The following NCR2 variants were observed in gnomAD, a reference collection of about 807,000 sequenced individuals.
NCR2 encodes the protein natural cytotoxicity triggering receptor 2.
Under a neutral mutation model 30.7 loss-of-function variants are expected in NCR2, and 35 were observed. The observed-to-expected ratio is 1.14, with a 90% confidence interval of 0.87 to 1.51. The LOEUF is 1.51. NCR2 is among the 40% of genes most tolerant of loss of function. NCR2 has a pLI of 0.00. For synonymous variants in NCR2, 146 were observed against 134.8 expected (o/e 1.08, Z -0.58); for missense variants, 316 against 328.9 (o/e 0.96, Z 0.30).
chr6:41,337,640 A>T (rs1276000099), intron 2 of NCR2, among the ~76,000 whole-genome samples: 1 of 152,232 alleles, frequency 6.6e-6, no homozygotes, highest in South Asian at 2.1e-4. Flanking sequence ...TTAAAATAAT[A>T]CTCACAGTAG....
chr6:41,342,256 A>T, intron 4 of NCR2, 107 bp downstream of exon 4: 1 of 1,453,004 alleles, frequency 6.9e-7, no homozygotes, highest in South Asian at 1.3e-5. Flanking sequence ...TGGAAATTAT[A>T]ATCGGCAGAG....
intron 4 of NCR2, among the ~76,000 whole-genome samples, chr6:41,347,525 C>T (rs979489197): frequency 6.6e-6 from 1 of 152,230 alleles, no homozygotes; most frequent in Non-Finnish European, 1.5e-5. Context: ...GCAGCCAATG[C>T]TGAAATCTCC....
At chr6:41,346,083 C>T (rs1769291844) in intron 4 of NCR2, among the ~76,000 whole-genome samples, 1 of 152,058 alleles carries the variant, frequency 6.6e-6, no homozygotes, top group Non-Finnish European at 1.5e-5. Flanking sequence ...CTGTGGGTGA[C>T]CACCCATCAT....
At chr6:41,349,086 T>A (rs563401845) in intron 4 of NCR2, among the ~76,000 whole-genome samples, 48 of 146,856 alleles carry the variant, frequency 3.3e-4, no homozygotes, top group African/African-American at 1.2e-3. Context: ...TTTTAATATA[T>A]TTTATAAATT....
Position 41,335,929 on chromosome 6 carries a change from G to A in NCR2, c.52+1G>A. Reference sequence around the variant, plus strand: ...CTACTGCTGCTGCTGCTGTTCCCAGGTGAGGGGGAGGAGGAGCCCAGGGAG... The same window carrying A: ...CTACTGCTGCTGCTGCTGTTCCCAGATGAGGGGGAGGAGGAGCCCAGGGAG... On this transcript the variant is annotated splice_donor_variant, in intron 1 of 4. Coordinates refer to ENST00000373089, the MANE Select transcript of NCR2 (RefSeq NM_004828.4). LOFTEE classifies it high-confidence loss of function. The A allele has an allele frequency of 1.9e-6, 3 of 1,570,996 alleles. No individual in the cohort carries two copies. The highest frequency in any genetic ancestry group is 1.7e-6 in the Non-Finnish European group (2 of 1,157,648).
chr6:41,342,979 A>G (rs1442344521), intron 4 of NCR2: 8 of 1,550,600 alleles, frequency 5.2e-6, no homozygotes, highest in Non-Finnish European at 7.0e-6. Context: ...AGCTCAGCCC[A>G]GGCCCCAGGC....
intron 4 of NCR2, among the ~76,000 whole-genome samples, chr6:41,346,337 G>GC (rs1305493754): frequency 6.6e-6 from 1 of 151,786 alleles, no homozygotes; most frequent in East Asian, 1.9e-4. Flanking sequence ...AGCGCCAATA[G>GC]CCCCCCTCTT....
rs543564173 is a variant in NCR2, at chr6:41,345,310, TA to T, written c.644+3166del. On this transcript the variant is annotated intron_variant, in intron 4 of 4. Transcript: ENST00000373089. The stretch of plus-strand genomic sequence containing the variant: ...TCTCCAACTTTCTGGGGTTCCAAGG[TA>T]AAAATGACTTCCCTCTTATTCCCCC... Among the ~76,000 whole-genome samples the T allele has an allele frequency of 1.8e-3, 280 of 152,216 alleles. 3 individuals are homozygous for T. Among genetic ancestry groups the T allele is most frequent in the Non-Finnish European group, 3.1e-3 (209 of 67,998 alleles).
intron 1 of NCR2, 47 bp from the exon 2 acceptor site, chr6:41,336,040 G>C (rs1265591051): frequency 6.3e-7 from 1 of 1,592,724 alleles, no homozygotes; most frequent in Admixed American, 1.7e-5. Flanking sequence ...CTGTGAGGCA[G>C]GTTGTGCGCG....
intron 4 of NCR2, among the ~76,000 whole-genome samples, chr6:41,349,242 T>C (rs1769377086): frequency 6.6e-6 from 1 of 151,136 alleles, no homozygotes; most frequent in African/African-American, 2.4e-5. Flanking sequence ...TGACCCTAGT[T>C]CCTGACACAG....
At chr6:41,337,369 G>A (rs185185688) in intron 2 of NCR2, among the ~76,000 whole-genome samples, 35 of 152,336 alleles carry the variant, frequency 2.3e-4, no homozygotes, top group African/African-American at 7.9e-4. Flanking sequence ...AAAGGTGATT[G>A]ATGTAGTGGC....
chr6:41,337,367 T>C (rs1490777758), intron 2 of NCR2, among the ~76,000 whole-genome samples: 3 of 152,242 alleles, frequency 2.0e-5, no homozygotes, highest in Non-Finnish European at 2.9e-5. Flanking sequence ...CTAAAGGTGA[T>C]TGATGTAGTG....
At chr6:41,347,169 C>T (rs11966123) in intron 4 of NCR2, among the ~76,000 whole-genome samples, 5,508 of 152,162 alleles carry the variant, frequency 0.036, 316 homozygotes, top group African/African-American at 0.12. Context: ...GAACTATGAT[C>T]GTGCCACTGC....
At position 41,341,884 on chromosome 6, in the gene NCR2, C is replaced by A; in HGVS notation, c.485C>A (p.Ala162Asp). 6.2e-7 allele frequency: 1 copy of A among 1,614,062 alleles called. No individual in the cohort carries two copies. The highest frequency in any genetic ancestry group is 8.5e-7 in the Non-Finnish European group (1 of 1,180,004). ...AGCTGTGTGCCTCCCACTGCAGGAG[C>A]CAGACAAGCCCCTGAGTCTCCATCT... Reference protein sequence around the residue: ...TQSCVPPTAGARQAPESPSTI... With the variant: ...TQSCVPPTAGDRQAPESPSTI... Residue 162 changes from alanine to aspartate, a missense_variant, in exon 3 of 5, where the codon GCC (alanine) becomes GAC (aspartate). Physicochemically the swap from Ala to Asp is moderately radical, Grantham distance 126 (BLOSUM62 -2). Coordinates refer to ENST00000373089, the MANE Select transcript of NCR2 (RefSeq NM_004828.4).
intron 2 of NCR2, among the ~76,000 whole-genome samples, chr6:41,339,867 GA>G (rs1254235698): frequency 6.6e-6 from 1 of 152,140 alleles, no homozygotes; most frequent in African/African-American, 2.4e-5. Context: ...ACTGCAGAAG[GA>G]AAAAATTTAT....
chr6:41,342,618 A>C (rs969111602), intron 4 of NCR2, among the ~76,000 whole-genome samples: 1 of 151,988 alleles, frequency 6.6e-6, no homozygotes, highest in African/African-American at 2.4e-5. Context: ...CACAGCTGGA[A>C]AGTCCCTCCC....
chr6:41,337,679 A>G (rs1165903311), intron 2 of NCR2, among the ~76,000 whole-genome samples: 1 of 152,236 alleles, frequency 6.6e-6, no homozygotes, highest in African/African-American at 2.4e-5. Flanking sequence ...TCACGGAGGT[A>G]TAATGTCAGA....
chr6:41,335,952 G>A, intron 1 of NCR2, 24 bp downstream of exon 1: 1 of 1,573,182 alleles, frequency 6.4e-7, no homozygotes, highest in South Asian at 1.2e-5. Context: ...GGAGCCCAGG[G>A]AGCAGAGGAG....
intron 4 of NCR2, among the ~76,000 whole-genome samples, chr6:41,345,189 A>G (rs1009930831): frequency 6.6e-6 from 1 of 152,156 alleles, no homozygotes; most frequent in Non-Finnish European, 1.5e-5. Flanking sequence ...AAGCCAGAGA[A>G]TCTAGGAGTC....
Sources: gnomAD v4.1 joint callset for allele counts (sites outside exome capture counted in the v4.1 genomes callset) on GRCh38, gnomAD v4.1.1 for gene constraint, MANE v1.5 for transcripts, NCBI Gene and HGNC (gene_info 2026-07-23, HGNC 2026-07-21) for gene names.